Variants in SAG observed in about 807,000 individuals in gnomAD.
The protein encoded by SAG is S-antigen visual arrestin, also known as S-arrestin.
A neutral mutation model predicts 55.0 loss-of-function variants in SAG; 45 were observed. The observed-to-expected ratio is 0.82, with a 90% CI of 0.64 to 1.05. The LOEUF (loss-of-function observed/expected upper bound fraction) is 1.05, where lower values mean the gene tolerates loss of function less well. Among genes scored for constraint, SAG ranks in the 50% least tolerant of loss-of-function variants. The pLI is 0.00. For missense variants in SAG, 455 were observed against 512.1 expected, an observed-to-expected ratio of 0.89 and a Z score of 1.08; for synonymous variants, 189 against 197.4, an observed-to-expected ratio of 0.96 and a Z score of 0.36.
At chr2:233,327,451 A>T (rs1700598704) in intron 7 of SAG, 2 of 371,610 alleles carry the variant, frequency 5.4e-6, no homozygotes, top group African/African-American at 4.2e-5. Context: ...CCCTTTGTTG[A>T]AGTTTTGTTG....
chr2:233,324,913 G>A (rs1185415347), intron 6 of SAG, among the ~76,000 whole-genome samples: 2 of 152,094 alleles, frequency 1.3e-5, no homozygotes, highest in Admixed American at 1.3e-4. Flanking sequence ...AAAATGGAAG[G>A]GAACAGAATG....
chr2:233,329,114 G>A, intron 8 of SAG: 1 of 263,548 alleles, frequency 3.8e-6, no homozygotes, highest in Non-Finnish European at 7.3e-6. Flanking sequence ...TCAGCAGTCA[G>A]CCATTTGTGC....
chr2:233,314,241 A>C (rs1346834985), intron 2 of SAG, among the ~76,000 whole-genome samples: 1 of 149,712 alleles, frequency 6.7e-6, no homozygotes, highest in Non-Finnish European at 1.5e-5. Flanking sequence ...AAAAAATTAC[A>C]AGAAAGAGCT....
intron 7 of SAG, chr2:233,327,880 G>A (rs1700618070): frequency 6.6e-6 from 1 of 152,648 alleles, no homozygotes; most frequent in Non-Finnish European, 1.5e-5. Context: ...GTACCATTCA[G>A]TGGCTTAAGT....
intron 12 of SAG, among the ~76,000 whole-genome samples, chr2:233,339,811 C>T (rs1356766393): frequency 1.3e-5 from 2 of 151,768 alleles, no homozygotes; most frequent in Non-Finnish European, 2.9e-5. Context: ...TACAGGTGCC[C>T]ACCACCATGC....
chr2:233,315,946 C>T (rs1190149250), intron 2 of SAG, 129 bp from the exon 3 acceptor site: 14 of 625,066 alleles, frequency 2.2e-5, no homozygotes, highest in South Asian at 1.3e-4. Flanking sequence ...GTGATCCGCC[C>T]GCCTTGGCCT....
chr2:233,344,873 T>C (rs901812685), intron 14 of SAG: 4 of 152,356 alleles, frequency 2.6e-5, no homozygotes, highest in Admixed American at 1.3e-4. Flanking sequence ...GTCAAGGGCA[T>C]CTTTACTGAA....
intron 10 of SAG, 160 bp from the exon 11 acceptor site, chr2:233,334,802 T>G: frequency 1.4e-6 from 1 of 737,454 alleles, no homozygotes; most frequent in Non-Finnish European, 2.3e-6. Context: ...CAAGCACTGT[T>G]CTGCTTCTCG....
intron 2 of SAG, among the ~76,000 whole-genome samples, chr2:233,313,506 T>C (rs890218479): frequency 1.4e-5 from 2 of 144,958 alleles, no homozygotes; most frequent in African/African-American, 2.8e-5. Flanking sequence ...ATTGGTTGAT[T>C]TGGGGAGAAT....
chr2:233,343,498 T>C, intron 14 of SAG: 1 of 259,484 alleles, frequency 3.9e-6, no homozygotes, highest in Non-Finnish European at 7.5e-6. Context: ...ATCTACTGGC[T>C]CTTGTATGGA....
chr2:233,328,340 G>A (rs72978317), intron 7 of SAG, 138 bp from the exon 8 acceptor site: 9 of 1,042,192 alleles, frequency 8.6e-6, no homozygotes, highest in South Asian at 3.2e-5. Context: ...GACCAGTGTC[G>A]TTGCCCTCTT....
At chr2:233,314,540 CA>C (rs1272933832) in intron 2 of SAG, among the ~76,000 whole-genome samples, 1 of 152,202 alleles carries the variant, frequency 6.6e-6, no homozygotes, top group Non-Finnish European at 1.5e-5. Context: ...CCAAGACACC[CA>C]CAGTGTTTAG....
Position 233,328,813 on chromosome 2 carries a change from C to T in SAG, c.648+200C>T, listed in dbSNP as rs111924733. 894 of 554,018 alleles carry T rather than the reference C, an allele frequency of 1.6e-3. 3 individuals carry two copies. Among genetic ancestry groups the T allele is most frequent in the African/African-American group, 0.014 (743 of 52,452 alleles). The allele number at this position is 554,018 out of a possible 1,614,324, so 34.3% of individuals were successfully genotyped here. A position where few individuals can be genotyped will look rare whatever the true frequency, so the allele number is the denominator to read the frequency against. On this transcript the variant is annotated intron_variant, in intron 8 of 15. Transcript: ENST00000409110. ...GGTCAGCATGGTCCTTAGAGGAGGA[C>T]GGAACTGGCTTGCGTTCCACCCACT...
At chr2:233,329,293 C>T in intron 8 of SAG, 200 bp from the exon 9 acceptor site, 1 of 541,718 alleles carries the variant, frequency 1.8e-6, no homozygotes, top group Non-Finnish European at 3.3e-6. Context: ...GAACTCTGTT[C>T]CCCTCCCCAG....
intron 2 of SAG, among the ~76,000 whole-genome samples, chr2:233,311,723 C>T (rs1014932284): frequency 6.6e-6 from 1 of 152,170 alleles, no homozygotes; most frequent in Non-Finnish European, 1.5e-5. Flanking sequence ...TGAGGTTCAC[C>T]ACCTCTTACA....
intron 2 of SAG, among the ~76,000 whole-genome samples, chr2:233,310,849 C>T (rs1451438126): frequency 6.6e-6 from 1 of 152,084 alleles, no homozygotes; most frequent in Non-Finnish European, 1.5e-5. Context: ...TCCAAAGAAC[C>T]TCCCCATCCT....
At chr2:233,312,457 G>T (rs1700100481) in intron 2 of SAG, among the ~76,000 whole-genome samples, 1 of 152,146 alleles carries the variant, frequency 6.6e-6, no homozygotes. Context: ...GAAACCATGT[G>T]GTCAAAGTGC....
intron 6 of SAG, among the ~76,000 whole-genome samples, chr2:233,325,409 G>A (rs1489714143): frequency 6.6e-6 from 1 of 151,292 alleles, no homozygotes. Context: ...AAATCTCAGA[G>A]TATGTCACAC....
Position 233,320,621 on chromosome 2 carries a change from C to G in SAG, c.182-9C>G. 6.3e-7 allele frequency: 1 copy of G among 1,580,068 alleles called. No individual in the cohort carries two copies. The highest frequency in any genetic ancestry group is 1.4e-5 in the African/African-American group (1 of 73,808). On this transcript the variant is annotated splice_polypyrimidine_tract_variant and intron_variant, in intron 4 of 15. Coordinates refer to ENST00000409110, the MANE Select transcript of SAG (RefSeq NM_000541.5). ...GCCAAGTCCGACCCTGCCTTCATCTCCCTTGCAGTGTATGTCACTCTGACC... is the reference window on the plus strand; with the variant it reads ...GCCAAGTCCGACCCTGCCTTCATCTGCCTTGCAGTGTATGTCACTCTGACC...
Sources: gnomAD v4.1 joint callset for allele counts (sites outside exome capture counted in the v4.1 genomes callset) on GRCh38, gnomAD v4.1.1 for gene constraint, MANE v1.5 for transcripts, NCBI Gene and HGNC (gene_info 2026-07-23, HGNC 2026-07-21) for gene names.